Variants in MAPKAPK5 observed in about 807,000 individuals in gnomAD.
MAPKAPK5 encodes MAP kinase-activated protein kinase 5.
MAPKAPK5 carries 30 observed loss-of-function variants against 65.1 expected under a neutral mutation model. That is an observed-to-expected ratio of 0.46 (90% CI 0.34 to 0.63). The LOEUF (loss-of-function observed/expected upper bound fraction) is 0.63, where lower values mean the gene tolerates loss of function less well. Among genes scored for constraint, MAPKAPK5 ranks in the 20% least tolerant of loss-of-function variants. The probability of loss-of-function intolerance (pLI) is 0.01; values close to 1 mark genes in which losing one functional copy is unlikely to be tolerated. For missense variants in MAPKAPK5, 433 were observed against 581.4 expected, an observed-to-expected ratio of 0.74 and a Z score of 2.63; for synonymous variants, 179 against 204.6, an observed-to-expected ratio of 0.87 and a Z score of 1.07.
At chr12:111,860,421 A>AT (rs2069398962) in intron 1 of MAPKAPK5, among the ~76,000 whole-genome samples, 1 of 152,106 alleles carries the variant, frequency 6.6e-6, no homozygotes, top group South Asian at 2.1e-4. Flanking sequence ...CTGTTTCAGG[A>AT]TTTTCCCATT....
intron 1 of MAPKAPK5, among the ~76,000 whole-genome samples, chr12:111,854,873 A>G (rs1231428449): frequency 6.6e-6 from 1 of 152,222 alleles, no homozygotes; most frequent in East Asian, 1.9e-4. Context: ...GAAACCCAAC[A>G]AATGTGTAGT....
In MAPKAPK5 at chr12:111,844,267, T is replaced by C. The variant is rs1330083133; in HGVS notation, c.36+1498T>C. Among the ~76,000 whole-genome samples, 3 of 151,842 alleles carry C rather than the reference T, an allele frequency of 2.0e-5. No individual in the cohort carries two copies. In the East Asian group the frequency reaches 5.8e-4, roughly 29 times the overall value. Reference sequence around the variant, plus strand: ...GTGCAGTGGGATGCTCTTGGCTCACTGCAACCTCCACCTCCCAGGTTCAAG... The same window carrying C: ...GTGCAGTGGGATGCTCTTGGCTCACCGCAACCTCCACCTCCCAGGTTCAAG... On this transcript the variant is annotated intron_variant, in intron 1 of 13. Coordinates refer to ENST00000550735, the MANE Select transcript of MAPKAPK5 (RefSeq NM_003668.4).
In MAPKAPK5 at chr12:111,883,511, G is replaced by A. The variant is rs2070307329; in HGVS notation, c.661-70G>A. The A allele has an allele frequency of 1.2e-5, 16 of 1,366,260 alleles. No homozygotes were observed. The highest frequency in any genetic ancestry group is 1.6e-5 in the Non-Finnish European group (16 of 979,290). The allele number at this position is 1,366,260 out of a possible 1,614,324, so 84.6% of individuals were successfully genotyped here. A position where few individuals can be genotyped will look rare whatever the true frequency, so the allele number is the denominator to read the frequency against. On this transcript the variant is annotated intron_variant, in intron 8 of 13. Coordinates refer to ENST00000550735, the MANE Select transcript of MAPKAPK5 (RefSeq NM_003668.4). The surrounding 1 kb of genome is among the most constrained non-coding windows in gnomAD (Gnocchi z 4.8). ...TATATATTGCAGGGGCTATTCCTGA[G>A]CCTGTCATGGGGTGTTTATTTGGGG...
At chr12:111,885,832 A>ACT in intron 9 of MAPKAPK5, 84 bp from the exon 10 acceptor site, 2 of 1,571,756 alleles carry the variant, frequency 1.3e-6, no homozygotes, top group Non-Finnish European at 1.7e-6. Context: ...AGTAACCAGA[A>ACT]CTGTTTAGAG....
intron 10 of MAPKAPK5, chr12:111,888,162 C>T (rs1402595456): frequency 1.6e-5 from 4 of 256,154 alleles, no homozygotes; most frequent in Admixed American, 5.1e-5. Context: ...CCAGCCTTTC[C>T]GCTGATGTCC....
intron 1 of MAPKAPK5, among the ~76,000 whole-genome samples, chr12:111,849,383 G>T (rs1410506642): frequency 6.6e-6 from 1 of 151,928 alleles, no homozygotes. Flanking sequence ...AGCCTCCCAA[G>T]TAGCTGGGAT....
rs779827524 is a variant in MAPKAPK5, at chr12:111,900,284, C to G, written c.*7223C>G. The G allele has an allele frequency of 2.2e-6, 1 of 455,946 alleles. No homozygotes were observed. Among genetic ancestry groups the G allele is most frequent in the African/African-American group, 2.0e-5 (1 of 50,068 alleles). The allele number at this position is 455,946 out of a possible 1,614,324, so 28.2% of individuals were successfully genotyped here. A position where few individuals can be genotyped will look rare whatever the true frequency, so the allele number is the denominator to read the frequency against. ...TGGGCCAGGCCTTTCTCAGTGGTGC[C>G]TGCTCAAGCGGTTTTGCGGCAGCTG... On this transcript the variant is annotated 3_prime_UTR_variant, in exon 14 of 14. Coordinates refer to ENST00000550735, the MANE Select transcript of MAPKAPK5 (RefSeq NM_003668.4).
At chr12:111,870,828 G>A (rs1291938407) in intron 6 of MAPKAPK5, among the ~76,000 whole-genome samples, 3 of 152,132 alleles carry the variant, frequency 2.0e-5, no homozygotes, top group Non-Finnish European at 4.4e-5. Flanking sequence ...AGACCTTGAC[G>A]TTAGTGCTGC....
intron 9 of MAPKAPK5, among the ~76,000 whole-genome samples, chr12:111,884,368 G>A (rs967413739): frequency 6.6e-6 from 1 of 152,240 alleles, no homozygotes; most frequent in African/African-American, 2.4e-5. Context: ...CCGCTAACAC[G>A]CCCAGCTCAT....
At position 111,892,987 on chromosome 12, in the gene MAPKAPK5, G is replaced by A. The variant is rs2070674955; in HGVS notation, c.1342G>A (p.Val448Ile). ...SWNGRGFTDK[V>I]DRLKLAEIVK... ...TTCAGGTCGTGGATTCACAGATAAAGTAGATCGACTAAAACTGGCAGAAAT... is the reference window on the plus strand; with the variant it reads ...TTCAGGTCGTGGATTCACAGATAAAATAGATCGACTAAAACTGGCAGAAAT... Residue 448 changes from valine to isoleucine, a missense_variant, in exon 14 of 14, where the codon GTA becomes ATA. By Grantham distance (29) the Val-to-Ile change is conservative. Transcript: ENST00000550735. 1.3e-6 allele frequency: 2 copies of A among 1,577,594 alleles called. No homozygotes were observed. Among genetic ancestry groups the A allele is most frequent in the Non-Finnish European group, 1.7e-6 (2 of 1,161,130 alleles).
At chr12:111,848,066 A>T (rs2068957863) in intron 1 of MAPKAPK5, among the ~76,000 whole-genome samples, 1 of 152,200 alleles carries the variant, frequency 6.6e-6, no homozygotes, top group Admixed American at 6.5e-5. Flanking sequence ...TTTTGTGTGA[A>T]TATATGTATT....
chr12:111,842,613 C>A lies in MAPKAPK5; in HGVS notation c.-121C>A. 1.7e-6 allele frequency: 1 copy of A among 598,946 alleles called. No homozygotes were observed. 37.1% of individuals were successfully genotyped at this position (598,946 alleles called of 1,614,324 possible). A position where few individuals can be genotyped will look rare whatever the true frequency, so the allele number is the denominator to read the frequency against. On this transcript the variant is annotated 5_prime_UTR_variant, in exon 1 of 14. It adds an upstream start codon to the 5' untranslated region. Coordinates refer to ENST00000550735, the MANE Select transcript of MAPKAPK5 (RefSeq NM_003668.4). The stretch of plus-strand genomic sequence containing the variant: ...CATCCCCACCGGTCCCGAGGGGCGG[C>A]TGCTGCCCGTCGCCACGAGGCCCAG...
intron 8 of MAPKAPK5, chr12:111,882,890 A>G: frequency 4.1e-6 from 4 of 971,082 alleles, no homozygotes; most frequent in Non-Finnish European, 3.7e-6. Flanking sequence ...TTGTTTCTAC[A>G]TAGAGGTTTC....
At chr12:111,850,164 G>T (rs2069031201) in intron 1 of MAPKAPK5, among the ~76,000 whole-genome samples, 1 of 152,118 alleles carries the variant, frequency 6.6e-6, no homozygotes, top group Non-Finnish European at 1.5e-5. Flanking sequence ...AAGTAGCTGG[G>T]ATTACAGGTG....
chr12:111,854,744 C>T (rs897128615), intron 1 of MAPKAPK5, among the ~76,000 whole-genome samples: 8 of 152,140 alleles, frequency 5.3e-5, no homozygotes, highest in Admixed American at 3.3e-4. Context: ...CAGTTGGTAG[C>T]GGGTGCTTCT....
intron 1 of MAPKAPK5, chr12:111,843,092 C>T: frequency 2.5e-6 from 1 of 398,670 alleles, no homozygotes; most frequent in Non-Finnish European, 4.4e-6. Context: ...ACGTTTCGAT[C>T]ACTCCCCAAG....
chr12:111,843,937 C>G (rs531489193), intron 1 of MAPKAPK5, among the ~76,000 whole-genome samples: 1 of 152,202 alleles, frequency 6.6e-6, no homozygotes, highest in South Asian at 2.1e-4. Flanking sequence ...CTCAGCCTCC[C>G]GAGTAGCTGG....
chr12:111,885,795 G>T, intron 9 of MAPKAPK5, 121 bp from the exon 10 acceptor site: 1 of 1,282,968 alleles, frequency 7.8e-7, no homozygotes. Flanking sequence ...CTCTGCAGGT[G>T]GAAAGCCCAG....
Position 111,890,076 on chromosome 12 carries a change from A to T in MAPKAPK5, c.1253A>T (p.Gln418Leu). 6.3e-7 allele frequency: 1 copy of T among 1,599,260 alleles called. No homozygotes were observed. Among genetic ancestry groups the T allele is most frequent in the Non-Finnish European group, 8.5e-7 (1 of 1,173,130 alleles). ...NEDEKLNEVMQEAWKYNRECK... is the reference protein window; with the variant it reads ...NEDEKLNEVMLEAWKYNRECK... ...GATGAGAAACTGAATGAAGTAATGC[A>T]GGAGGCTTGGAAGTATAACCGGGAA... Residue 418 changes from glutamine to leucine, a missense_variant, in exon 13 of 14, where the codon CAG becomes CTG. Physicochemically the swap from Gln to Leu is moderately radical, Grantham distance 113. Transcript: ENST00000550735.
Sources: gnomAD v4.1 joint callset for allele counts (sites outside exome capture counted in the v4.1 genomes callset) on GRCh38, gnomAD v4.1.1 for gene constraint, Gnocchi (gnomAD v3.1) non-coding constraint, MANE v1.5 for transcripts, NCBI Gene and HGNC (gene_info 2026-07-23, HGNC 2026-07-21) for gene names.